KIAA0319L: variants seen among roughly 807,000 people sequenced by gnomAD.
The protein encoded by KIAA0319L is KIAA0319 like, also known as dyslexia-associated protein KIAA0319-like protein.
In KIAA0319L, 55 loss-of-function variants were observed where a neutral mutation model predicts 120.1. That is an observed-to-expected ratio of 0.46 (90% CI 0.37 to 0.57). KIAA0319L has a LOEUF of 0.57. KIAA0319L is among the 20% of genes least tolerant of loss of function. The pLI is 0.00. For missense variants in KIAA0319L, 1,049 were observed against 1,255.3 expected, an observed-to-expected ratio of 0.84 and a Z score of 2.48; for synonymous variants, 398 against 471.9, an observed-to-expected ratio of 0.84 and a Z score of 2.03.
At chr1:35,519,622 A>G (rs182401275) in intron 2 of KIAA0319L, among the ~76,000 whole-genome samples, 91 of 152,240 alleles carry the variant, frequency 6.0e-4, no homozygotes, top group Non-Finnish European at 1.1e-3. Context: ...GCATGGCCTG[A>G]CCTCTGCCTC....
chr1:35,527,396 T>TGA (rs1370536650), intron 2 of KIAA0319L, among the ~76,000 whole-genome samples: 1 of 152,156 alleles, frequency 6.6e-6, no homozygotes, highest in Non-Finnish European at 1.5e-5. Context: ...TAATGCTGGC[T>TGA]TCATAGAATT....
intron 7 of KIAA0319L, among the ~76,000 whole-genome samples, chr1:35,466,374 T>C (rs1208106417): frequency 6.6e-6 from 1 of 152,182 alleles, no homozygotes; most frequent in Non-Finnish European, 1.5e-5. Context: ...AGATAAGTTA[T>C]TGCTTAGGCC....
intron 3 of KIAA0319L, among the ~76,000 whole-genome samples, chr1:35,484,362 C>T (rs1644283790): frequency 6.6e-6 from 1 of 152,068 alleles, no homozygotes; most frequent in African/African-American, 2.4e-5. Flanking sequence ...TGCTTGAACC[C>T]AGAAGTTCAA....
At chr1:35,450,290 T>C in intron 14 of KIAA0319L, 68 bp downstream of exon 14, 1 of 1,488,806 alleles carries the variant, frequency 6.7e-7, no homozygotes, top group Non-Finnish European at 9.2e-7. Flanking sequence ...GATTAAAGCA[T>C]ATACTGGAAC....
intron 15 of KIAA0319L, among the ~76,000 whole-genome samples, chr1:35,449,500 C>T (rs1641888334): frequency 6.6e-6 from 1 of 152,164 alleles, no homozygotes; most frequent in South Asian, 2.1e-4. Flanking sequence ...AAGCTATTCC[C>T]ATGCTCAGAT....
At chr1:35,554,306 C>T (rs751821450) in intron 2 of KIAA0319L, 44 bp downstream of exon 2, 2 of 1,470,088 alleles carry the variant, frequency 1.4e-6, no homozygotes, top group Non-Finnish European at 1.8e-6. Flanking sequence ...ATAAAATGCC[C>T]TTTTCTAAAA....
chr1:35,473,419 A>G (rs1489532961), intron 5 of KIAA0319L, among the ~76,000 whole-genome samples: 2 of 152,114 alleles, frequency 1.3e-5, no homozygotes, highest in Admixed American at 1.3e-4. Flanking sequence ...TTCTAAACTA[A>G]CATGTTTTGA....
intron 2 of KIAA0319L, among the ~76,000 whole-genome samples, chr1:35,545,752 G>A (rs1018124609): frequency 8.5e-5 from 13 of 152,060 alleles, no homozygotes; most frequent in African/African-American, 2.2e-4. Flanking sequence ...AAAATTAGCC[G>A]GGCGTGGTGG....
Position 35,450,014 on chromosome 1 carries a change from T to G in KIAA0319L, c.2215-9A>C. ...GAGTGATTTAACACCTCCTGTAGGG[T>G]TGAACAACATGGCTATGTTACAGAA... On this transcript the variant is annotated splice_polypyrimidine_tract_variant and intron_variant, in intron 14 of 20. Transcript: ENST00000325722. 2 of 1,614,070 alleles carry G rather than the reference T, an allele frequency of 1.2e-6. No homozygotes were observed. Among genetic ancestry groups the G allele is most frequent in the Middle Eastern group, 1.6e-4 (1 of 6,062 alleles).
rs1194591084 is a variant in KIAA0319L, at chr1:35,437,842, C to A, written c.2963-2761G>T. Among the ~76,000 whole-genome samples the A allele has an allele frequency of 6.6e-6, 1 of 152,192 alleles. No individual in the cohort carries two copies. The highest frequency in any genetic ancestry group is 1.9e-4 in the East Asian group (1 of 5,200). On this transcript the variant is annotated intron_variant, in intron 20 of 20. Coordinates refer to ENST00000325722, the MANE Select transcript of KIAA0319L (RefSeq NM_024874.5). The surrounding 1 kb of genome is among the most constrained non-coding windows in gnomAD (Gnocchi z 4.1). ...TTCTACAGTTCCATGTCTGACTCTT[C>A]TGCTGAGTTCCATTTAATTCATCTT...
intron 20 of KIAA0319L, chr1:35,435,332 C>G (rs888427906): frequency 2.3e-6 from 1 of 437,088 alleles, no homozygotes; most frequent in Non-Finnish European, 4.0e-6. Flanking sequence ...TTCTTCATCT[C>G]CAGTATCCAT....
At chr1:35,473,096 T>C (rs1279884646) in intron 5 of KIAA0319L, among the ~76,000 whole-genome samples, 1 of 131,892 alleles carries the variant, frequency 7.6e-6, no homozygotes, top group Non-Finnish European at 1.6e-5. Context: ...TTTTTTTTTT[T>C]TTTTTTTCTT....
chr1:35,524,879 TATACA>T (rs1009404215), intron 2 of KIAA0319L, among the ~76,000 whole-genome samples: 1 of 152,202 alleles, frequency 6.6e-6, no homozygotes, highest in African/African-American at 2.4e-5. Context: ...TATCTTTAAA[TATACA>T]ATACATTGTT....
At chr1:35,532,258 G>C (rs1438975139) in intron 2 of KIAA0319L, among the ~76,000 whole-genome samples, 1 of 151,438 alleles carries the variant, frequency 6.6e-6, no homozygotes, top group African/African-American at 2.4e-5. Context: ...AAAAAAAAGA[G>C]GAAGAGGTAC....
chr1:35,554,216 A>G, intron 2 of KIAA0319L, 134 bp downstream of exon 2: 1 of 587,372 alleles, frequency 1.7e-6, no homozygotes, highest in Non-Finnish European at 2.7e-6. Context: ...CTCAGTCACC[A>G]AAAGGATGAC....
chr1:35,448,704 G>A (rs1570633445), intron 15 of KIAA0319L, among the ~76,000 whole-genome samples: 1 of 152,172 alleles, frequency 6.6e-6, no homozygotes, highest in East Asian at 1.9e-4. Flanking sequence ...GGGTTATTAA[G>A]CAATCTCTCC....
At chr1:35,499,336 A>C (rs187322652) in intron 3 of KIAA0319L, among the ~76,000 whole-genome samples, 1 of 152,308 alleles carries the variant, frequency 6.6e-6, no homozygotes, top group Non-Finnish European at 1.5e-5. Flanking sequence ...ATGAAGTTGG[A>C]GCCCTTGTGA....
At position 35,433,828 on chromosome 1, in the gene KIAA0319L, C is replaced by G. The variant is rs1640585379; in HGVS notation, c.*1066G>C. 6.6e-6 allele frequency: 1 copy of G among 152,622 alleles called. No individual in the cohort carries two copies. The highest frequency in any genetic ancestry group is 6.5e-5 in the Admixed American group (1 of 15,286). 9.5% of individuals were successfully genotyped at this position (152,622 alleles called of 1,614,324 possible). On this transcript the variant is annotated 3_prime_UTR_variant, in exon 21 of 21. Transcript: ENST00000325722. ...AGCGGGGCCATCGCACACATGCGCT[C>G]TCATGCCACAACATTCCAGTCCATC...
chr1:35,497,716 G>A (rs2148374227), intron 3 of KIAA0319L, among the ~76,000 whole-genome samples: 1 of 152,262 alleles, frequency 6.6e-6, no homozygotes, highest in Non-Finnish European at 1.5e-5. Context: ...AGTAACAAAA[G>A]AGCCATTCAT....
Sources: allele counts gnomAD v4.1 joint callset (sites outside exome capture counted in the v4.1 genomes callset), GRCh38; gene constraint gnomAD v4.1.1; non-coding constraint Gnocchi (gnomAD v3.1); transcripts MANE v1.5; gene names NCBI Gene and HGNC (gene_info 2026-07-23, HGNC 2026-07-21).